PPP1R12B: variants seen among roughly 807,000 people sequenced by gnomAD.
PPP1R12B encodes the protein protein phosphatase 1 regulatory subunit 12B.
In PPP1R12B, 76 loss-of-function variants were observed where a neutral mutation model predicts 126.1. The observed-to-expected ratio is 0.60, with a 90% CI of 0.50 to 0.73. The LOEUF is 0.73. Among genes scored for constraint, PPP1R12B ranks in the 30% least tolerant of loss-of-function variants. The pLI, the probability that PPP1R12B is intolerant of heterozygous loss-of-function variation, is 0.00. For synonymous variants in PPP1R12B, 356 were observed against 434.7 expected (o/e 0.82, Z 2.25); for missense variants, 1,052 against 1,205.1 (o/e 0.87, Z 1.88).
chr1:202,517,260 A>G (rs1310617947), intron 18 of PPP1R12B, among the ~76,000 whole-genome samples: 1 of 152,230 alleles, frequency 6.6e-6, no homozygotes, highest in Non-Finnish European at 1.5e-5. Context: ...AGCAGCACCC[A>G]CAGACAAATA....
intron 1 of PPP1R12B, among the ~76,000 whole-genome samples, chr1:202,372,519 A>C (rs1660466150): frequency 6.6e-6 from 1 of 152,012 alleles, no homozygotes; most frequent in South Asian, 2.1e-4. Context: ...AAAAATAAAT[A>C]AAGCAATTTT....
chr1:202,382,875 CAAA>C (rs764971866), intron 1 of PPP1R12B, among the ~76,000 whole-genome samples: 1 of 85,216 alleles, frequency 1.2e-5, no homozygotes, highest in African/African-American at 4.5e-5. Context: ...GACTCTGTCT[CAAA>C]AAAAAAAAAA....
At chr1:202,522,469 A>G (rs1471588478) in intron 18 of PPP1R12B, among the ~76,000 whole-genome samples, 1 of 152,046 alleles carries the variant, frequency 6.6e-6, no homozygotes, top group African/African-American at 2.4e-5. Flanking sequence ...TAGAAGGTAC[A>G]AGTCCTTAAT....
intron 1 of PPP1R12B, among the ~76,000 whole-genome samples, chr1:202,404,270 C>T (rs1276198852): frequency 6.6e-6 from 1 of 152,122 alleles, no homozygotes; most frequent in Non-Finnish European, 1.5e-5. Flanking sequence ...GTTCCAATTT[C>T]TCAGTATGGC....
Position 202,349,086 on chromosome 1 carries a change from G to T in PPP1R12B, c.235G>T (p.Ala79Ser), listed in dbSNP as rs767160205. The change falls in exon 1 of 24, where the codon GCA becomes TCA. Residue 79 changes from alanine to serine, a missense_variant. Physicochemically the swap from Ala to Ser is moderately conservative, Grantham distance 99 (BLOSUM62 1). Transcript: ENST00000608999. Reference protein sequence around the residue: ...GDTDEVRKLLARGADINTVNV... With the variant: ...GDTDEVRKLLSRGADINTVNV... The stretch of plus-strand genomic sequence containing the variant: ...CACCGACGAGGTGAGAAAGCTTCTG[G>T]CAAGAGGTGCTGATATCAACACGGT... 1.5e-5 allele frequency: 24 copies of T among 1,614,014 alleles called. No individual in the cohort carries two copies. The African/African-American group carries it at 3.2e-4, about 22-fold the overall frequency.
chr1:202,430,354 A>G (rs1670034317), intron 6 of PPP1R12B, among the ~76,000 whole-genome samples: 1 of 152,214 alleles, frequency 6.6e-6, no homozygotes. Flanking sequence ...CTTATTTCCC[A>G]TTCGGTACCT....
At chr1:202,409,510 CAG>C (rs1003434102) in intron 1 of PPP1R12B, among the ~76,000 whole-genome samples, 11 of 151,910 alleles carry the variant, frequency 7.2e-5, no homozygotes, top group Non-Finnish European at 1.5e-4. Flanking sequence ...TTAGTAGAGA[CAG>C]GGTTTCACCA....
intron 13 of PPP1R12B, among the ~76,000 whole-genome samples, chr1:202,451,756 G>A (rs1672962248): frequency 6.6e-6 from 1 of 151,764 alleles, no homozygotes; most frequent in African/African-American, 2.4e-5. Flanking sequence ...GCCGGGCAGA[G>A]GTGCCCCCGA....
intron 1 of PPP1R12B, among the ~76,000 whole-genome samples, chr1:202,394,745 ACT>A (rs1175031971): frequency 6.6e-6 from 1 of 151,604 alleles, no homozygotes; most frequent in East Asian, 1.9e-4. Flanking sequence ...CAAGAGTGAA[ACT>A]CTGTCTCAGA....
intron 13 of PPP1R12B, among the ~76,000 whole-genome samples, chr1:202,464,947 A>G (rs542513166): frequency 6.6e-6 from 1 of 152,290 alleles, no homozygotes; most frequent in Admixed American, 6.5e-5. Context: ...GAGAAGATGA[A>G]TGGTATAGGA....
At chr1:202,532,058 G>A (rs1380279358) in intron 18 of PPP1R12B, among the ~76,000 whole-genome samples, 4 of 152,130 alleles carry the variant, frequency 2.6e-5, no homozygotes, top group Admixed American at 2.6e-4. Flanking sequence ...AACAAGGGGT[G>A]GATTATTCAT....
At chr1:202,404,492 T>C (rs1157334761) in intron 1 of PPP1R12B, among the ~76,000 whole-genome samples, 1 of 151,924 alleles carries the variant, frequency 6.6e-6, no homozygotes, top group Non-Finnish European at 1.5e-5. Context: ...TTTATTTTTA[T>C]TTTTTAAATT....
intron 1 of PPP1R12B, among the ~76,000 whole-genome samples, chr1:202,359,533 G>C (rs769225698): frequency 6.6e-6 from 1 of 151,918 alleles, no homozygotes; most frequent in Non-Finnish European, 1.5e-5. Flanking sequence ...TATAATCCTA[G>C]CACTGGGAGG....
intron 1 of PPP1R12B, among the ~76,000 whole-genome samples, chr1:202,386,507 A>G (rs1026156840): frequency 3.3e-5 from 5 of 151,088 alleles, no homozygotes; most frequent in African/African-American, 1.2e-4. Context: ...AATTTTTTGT[A>G]TTTTTAGTAG....
At chr1:202,448,180 CCT>C (rs978739205) in intron 12 of PPP1R12B, 5 of 152,038 alleles carry the variant, frequency 3.3e-5, no homozygotes, top group Non-Finnish European at 7.4e-5. Context: ...CAGTTTTGGA[CCT>C]CTGTTACCCC....
intron 18 of PPP1R12B, among the ~76,000 whole-genome samples, chr1:202,500,378 A>G (rs999607741): frequency 6.6e-6 from 1 of 152,242 alleles, no homozygotes; most frequent in Non-Finnish European, 1.5e-5. Context: ...TAAATGTGGT[A>G]TATGTACATA....
At chr1:202,402,575 A>T (rs1301869481) in intron 1 of PPP1R12B, among the ~76,000 whole-genome samples, 1 of 152,228 alleles carries the variant, frequency 6.6e-6, no homozygotes, top group Admixed American at 6.5e-5. Context: ...GATATACAAA[A>T]TTGATTATAC....
intron 18 of PPP1R12B, among the ~76,000 whole-genome samples, chr1:202,548,812 A>C (rs201120941): frequency 0.24 from 16,965 of 70,898 alleles, 1,110 homozygotes; most frequent in African/African-American, 0.29. Flanking sequence ...CTCTCTCTAT[A>C]TATATATATA....
At chr1:202,567,486 G>GGA (rs149322103) in intron 21 of PPP1R12B, 1,381 of 349,400 alleles carry the variant, frequency 4.0e-3, no homozygotes, top group South Asian at 5.3e-3. Context: ...GAAGACCTGT[G>GGA]GAGAGAGAGA....
Sources: allele counts gnomAD v4.1 joint callset (sites outside exome capture counted in the v4.1 genomes callset), GRCh38; gene constraint gnomAD v4.1.1; transcripts MANE v1.5; gene names NCBI Gene and HGNC (gene_info 2026-07-23, HGNC 2026-07-21).